The following TTC8 variants were observed in gnomAD, a reference collection of about 807,000 sequenced individuals.
TTC8 encodes the protein tetratricopeptide repeat domain 8.
A neutral mutation model predicts 72.5 loss-of-function variants in TTC8; 47 were observed. The observed-to-expected ratio is 0.65, with a 90% CI of 0.51 to 0.83. The LOEUF (loss-of-function observed/expected upper bound fraction) is 0.83, where lower values mean the gene tolerates loss of function less well. Ranked by LOEUF, TTC8 falls within the 40% of genes least tolerant of loss-of-function variation. The pLI is 0.00. For missense variants in TTC8, 611 were observed against 623.2 expected (o/e 0.98, Z 0.21); for synonymous variants, 199 against 221.4 (o/e 0.90, Z 0.90).
At chr14:88,865,277 C>G (rs542043317) in intron 10 of TTC8, among the ~76,000 whole-genome samples, 349 of 152,272 alleles carry the variant, frequency 2.3e-3, no homozygotes, top group Non-Finnish European at 4.1e-3. Context: ...TCCTCTTCCT[C>G]TGAATCAGAA....
At chr14:88,850,097 A>C (rs1250850565) in intron 7 of TTC8, among the ~76,000 whole-genome samples, 1 of 152,212 alleles carries the variant, frequency 6.6e-6, no homozygotes, top group Non-Finnish European at 1.5e-5. Context: ...TTACTAAATC[A>C]TCCAAAAATC....
intron 12 of TTC8, among the ~76,000 whole-genome samples, chr14:88,872,046 C>A (rs914527585): frequency 6.6e-6 from 1 of 152,018 alleles, no homozygotes; most frequent in Non-Finnish European, 1.5e-5. Flanking sequence ...AGTGTGAGAC[C>A]CTGTCTCAAA....
At position 88,861,211 on chromosome 14, in the gene TTC8, CT is replaced by C. The variant is rs1566851600; in HGVS notation, c.799-9del. On this transcript the variant is annotated splice_polypyrimidine_tract_variant and intron_variant, in intron 9 of 14. Coordinates refer to ENST00000380656, the MANE Select transcript of TTC8 (RefSeq NM_144596.4). ...AACCTATACTTTTATTGAAATGTAT[CT>C]TGTTTTTAGGTTTATGTCTCATTGG... The C allele has an allele frequency of 6.4e-7, 1 of 1,570,296 alleles. No homozygotes were observed.
In TTC8 at chr14:88,841,400, T is replaced by A. The variant is rs887767160; in HGVS notation, c.490-25T>A. 1.9e-6 allele frequency: 3 copies of A among 1,610,748 alleles called. No individual in the cohort carries two copies. The South Asian group carries it at 3.3e-5, about 18-fold the overall frequency. On this transcript the variant is annotated intron_variant, in intron 5 of 14. Coordinates refer to ENST00000380656, the MANE Select transcript of TTC8 (RefSeq NM_144596.4). ...ATTTCAAGAGAAAGTTTCAGATCTCTTGGTCTATTGTTTTTCCTCTGTAGG... is the reference window on the plus strand; with the variant it reads ...ATTTCAAGAGAAAGTTTCAGATCTCATGGTCTATTGTTTTTCCTCTGTAGG...
At chr14:88,870,291 A>G (rs934245386) in intron 11 of TTC8, 93 bp downstream of exon 11, 4 of 1,371,694 alleles carry the variant, frequency 2.9e-6, no homozygotes, top group Non-Finnish European at 3.1e-6. Flanking sequence ...GAAATAAGGT[A>G]TAGGCCATGT....
intron 2 of TTC8, among the ~76,000 whole-genome samples, chr14:88,838,000 G>A (rs1175509342): frequency 6.6e-6 from 1 of 151,992 alleles, no homozygotes; most frequent in Non-Finnish European, 1.5e-5. Flanking sequence ...AAATAATCCA[G>A]TAAACCTCAA....
intron 1 of TTC8, among the ~76,000 whole-genome samples, chr14:88,826,324 T>C (rs910352357): frequency 3.3e-5 from 5 of 151,974 alleles, no homozygotes; most frequent in Admixed American, 6.6e-5. Flanking sequence ...CTTATAGATA[T>C]TGCTTAAAAA....
At chr14:88,861,087 A>G in intron 9 of TTC8, 135 bp from the exon 10 acceptor site, 1 of 678,866 alleles carries the variant, frequency 1.5e-6, no homozygotes, top group East Asian at 3.1e-5. Flanking sequence ...TACAGGTGTG[A>G]GCCACCACAC....
chr14:88,841,514 G>A lies in TTC8; in HGVS notation c.579G>A (p.Lys193=). The A allele has an allele frequency of 2.5e-6, 4 of 1,608,718 alleles. No homozygotes were observed. Among genetic ancestry groups the A allele is most frequent in the Non-Finnish European group, 3.4e-6 (4 of 1,175,412 alleles). ...TKYSQKPKLA[K]ALFEYIFHHE... ...ATTCCCAGAAACCTAAGTTGGCAAAGGTATGTACTTAAAATGATTTTGAGT... is the reference window on the plus strand; with the variant it reads ...ATTCCCAGAAACCTAAGTTGGCAAAAGTATGTACTTAAAATGATTTTGAGT... Residue 193 remains lysine, a splice_region_variant and synonymous_variant, in exon 6 of 15, where the codon AAG becomes AAA. Transcript: ENST00000380656.
chr14:88,866,448 T>C (rs552618965), intron 10 of TTC8, among the ~76,000 whole-genome samples: 60 of 151,520 alleles, frequency 4.0e-4, no homozygotes, highest in African/African-American at 1.3e-3. Flanking sequence ...TAGTCAAGAA[T>C]GTAAACATGG....
At chr14:88,834,340 A>G (rs1052074259) in intron 2 of TTC8, among the ~76,000 whole-genome samples, 3 of 152,176 alleles carry the variant, frequency 2.0e-5, no homozygotes, top group Non-Finnish European at 4.4e-5. Context: ...CTGGCCAGTG[A>G]TACTTTTAAT....
intron 10 of TTC8, among the ~76,000 whole-genome samples, chr14:88,868,610 C>G (rs1052861206): frequency 2.0e-5 from 3 of 152,152 alleles, no homozygotes; most frequent in Admixed American, 2.0e-4. Flanking sequence ...TTTAACATCT[C>G]TGAACTTGAG....
downstream of TTC8, chr14:88,878,095 A>T (rs1222545638): frequency 6.6e-6 from 1 of 152,218 alleles, no homozygotes; most frequent in Admixed American, 6.5e-5. Context: ...ATTTTATTTC[A>T]AATGATATAC....
chr14:88,873,406 C>T (rs1017488846), intron 13 of TTC8, among the ~76,000 whole-genome samples: 12 of 152,182 alleles, frequency 7.9e-5, no homozygotes, highest in African/African-American at 2.9e-4. Flanking sequence ...GGTGTTATCA[C>T]ATCTCTTACT....
At chr14:88,838,505 T>C (rs948594153) in intron 2 of TTC8, among the ~76,000 whole-genome samples, 20 of 152,242 alleles carry the variant, frequency 1.3e-4, no homozygotes, top group African/African-American at 4.6e-4. Context: ...CCCCCAAATT[T>C]CCCTTGCTGC....
At chr14:88,878,443 A>G (rs1433661762), downstream of TTC8, 3 of 152,170 alleles carry the variant, frequency 2.0e-5, no homozygotes, top group East Asian at 1.9e-4. Context: ...AGATACTTCT[A>G]TTCTTTTCAG....
chr14:88,835,214 A>G (rs1373212631), intron 2 of TTC8, among the ~76,000 whole-genome samples: 2 of 152,220 alleles, frequency 1.3e-5, no homozygotes, highest in East Asian at 1.9e-4. Context: ...TGTTTCTTAC[A>G]TGCTTTAATC....
At position 88,872,319 on chromosome 14, in the gene TTC8, T is replaced by C. The variant is rs147754875; in HGVS notation, c.1225-11T>C. 6.2e-7 allele frequency: 1 copy of C among 1,613,524 alleles called. No individual in the cohort carries two copies. The highest frequency in any genetic ancestry group is 2.2e-5 in the East Asian group (1 of 44,810). On this transcript the variant is annotated splice_polypyrimidine_tract_variant and intron_variant, in intron 12 of 14. Transcript: ENST00000380656. ...GGACCCATGGGTGTGAACATAGGCTTTCTTTTGTAGGGAATAGGAGATACA... is the reference window on the plus strand; with the variant it reads ...GGACCCATGGGTGTGAACATAGGCTCTCTTTTGTAGGGAATAGGAGATACA...
chr14:88,859,901 A>ATAAT lies in TTC8; in HGVS notation c.799-1321_799-1320insTAAT, dbSNP rs1252581566. On this transcript the variant is annotated intron_variant, in intron 9 of 14. Coordinates refer to ENST00000380656, the MANE Select transcript of TTC8 (RefSeq NM_144596.4). ...TTATATATTATATAATATATAATAT[A>ATAAT]ATATAAATATAATAACTATATAGCA... 1.3e-4 allele frequency among the ~76,000 whole-genome samples: 15 copies of ATAAT among 117,186 alleles called. No homozygotes were observed. In the South Asian group the frequency reaches 1.8e-3, roughly 14 times the overall value. 76.9% of individuals were successfully genotyped at this position (117,186 alleles called of 152,430 possible).
Sources: allele counts gnomAD v4.1 joint callset (sites outside exome capture counted in the v4.1 genomes callset), GRCh38; gene constraint gnomAD v4.1.1; transcripts MANE v1.5; gene names NCBI Gene and HGNC (gene_info 2026-07-23, HGNC 2026-07-21).